Variants in CELF2 observed in about 807,000 individuals in gnomAD.
CELF2 encodes CUG triplet repeat RNA-binding protein 2.
In CELF2, 8 loss-of-function variants were observed where a neutral mutation model predicts 62.6. That is an observed-to-expected ratio of 0.13 (90% CI 0.07 to 0.23). The LOEUF (loss-of-function observed/expected upper bound fraction) is 0.23, where lower values mean the gene tolerates loss of function less well. CELF2 is among the 10% of genes least tolerant of loss of function. The pLI, the probability that CELF2 is intolerant of heterozygous loss-of-function variation, is 1.00. For synonymous variants in CELF2, 258 were observed against 250.0 expected, an observed-to-expected ratio of 1.03 and a Z score of -0.30; for missense variants, 333 against 671.0, an observed-to-expected ratio of 0.50 and a Z score of 5.56.
At chr10:10,687,767 G>A in the CELF2 span, among the ~76,000 whole-genome samples, 1 of 152,124 alleles carries the variant, frequency 6.6e-6, no homozygotes, top group Non-Finnish European at 1.5e-5. Flanking sequence ...TTTTCTTGCC[G>A]GGATGCAACA....
At chr10:11,167,496 C>A (rs2067569447) in intron 2 of CELF2, among the ~76,000 whole-genome samples, 1 of 152,200 alleles carries the variant, frequency 6.6e-6, no homozygotes, top group African/African-American at 2.4e-5. Context: ...GGTTCCGGGA[C>A]TTTCAGCCAT....
intron 5 of CELF2, among the ~76,000 whole-genome samples, chr10:11,261,293 A>C (rs893397567): frequency 6.6e-6 from 1 of 152,238 alleles, no homozygotes; most frequent in South Asian, 2.1e-4. Context: ...CCTCCCTAAG[A>C]GGGGTTACAC....
intron 2 of CELF2, among the ~76,000 whole-genome samples, chr10:11,209,665 G>C (rs2061320270): frequency 6.7e-6 from 1 of 150,228 alleles, no homozygotes; most frequent in South Asian, 2.1e-4. Context: ...CTGCCTTGTA[G>C]AAAGTGAAAG....
chr10:10,617,490 G>T, the CELF2 span, among the ~76,000 whole-genome samples: 31 of 152,116 alleles, frequency 2.0e-4, no homozygotes, highest in African/African-American at 6.3e-4. Flanking sequence ...CTTCAAGCTG[G>T]ATTCTAGATA....
rs750680906 is a variant in CELF2, at chr10:10,908,374, C to G, written c.54-11590C>G. Among the ~76,000 whole-genome samples, 14 of 151,924 alleles carry G rather than the reference C, an allele frequency of 9.2e-5. No homozygotes were observed. The East Asian group carries it at 1.7e-3, about 19-fold the overall frequency. Reference sequence around the variant, plus strand: ...AGCTGGGACTACAGGCGCCTGCCACCACGCCCGGCTAATTTTTTTGTATTT... The same window carrying G: ...AGCTGGGACTACAGGCGCCTGCCACGACGCCCGGCTAATTTTTTTGTATTT... On this transcript the variant is annotated intron_variant, in intron 1 of 13. Coordinates refer to the CELF2 transcript ENST00000636488.
intron 1 of CELF2, among the ~76,000 whole-genome samples, chr10:11,045,521 A>C (rs749053941): frequency 6.6e-6 from 1 of 152,218 alleles, no homozygotes; most frequent in Non-Finnish European, 1.5e-5. Flanking sequence ...GAATTCAATG[A>C]GATGATTCCT....
At chr10:10,926,072 C>G (rs17438224) in intron 2 of CELF2, among the ~76,000 whole-genome samples, 1 of 152,146 alleles carries the variant, frequency 6.6e-6, no homozygotes, top group African/African-American at 2.4e-5. Context: ...TGAAAAGCCT[C>G]GGTAGTTACA....
At chr10:11,304,406 G>T (rs938931282) in intron 9 of CELF2, among the ~76,000 whole-genome samples, 15 of 152,110 alleles carry the variant, frequency 9.9e-5, no homozygotes, top group African/African-American at 3.6e-4. Context: ...ATTTTCTGTG[G>T]CTTATAACAG....
chr10:10,525,997 T>G, the CELF2 span, among the ~76,000 whole-genome samples: 1 of 152,254 alleles, frequency 6.6e-6, no homozygotes, highest in South Asian at 2.1e-4. Flanking sequence ...GTTGTCTTTC[T>G]GATTAAAGCC....
chr10:11,156,635 C>G lies in CELF2; in HGVS notation c.75-8851C>G, dbSNP rs593393. Among the ~76,000 whole-genome samples the G allele has an allele frequency of 0.34, 51,355 of 152,014 alleles. 9,566 individuals are homozygous for G. Among genetic ancestry groups the G allele is most frequent in the East Asian group, 0.75 (3,874 of 5,164 alleles). On this transcript the variant is annotated intron_variant, in intron 1 of 12. Transcript: ENST00000633077. The surrounding 1 kb of genome is among the most constrained non-coding windows in gnomAD (Gnocchi z 4.3). Reference sequence around the variant, plus strand: ...TCCCCAGCTCCTTGAATTTGTCAGACTCGCGTCATAAATATGATTAAGTGA... The same window carrying G: ...TCCCCAGCTCCTTGAATTTGTCAGAGTCGCGTCATAAATATGATTAAGTGA...
chr10:10,576,075 G>C, the CELF2 span, among the ~76,000 whole-genome samples: 2 of 152,262 alleles, frequency 1.3e-5, no homozygotes, highest in Admixed American at 6.5e-5. Context: ...AACATTTCAG[G>C]CATCTGGCTG....
the CELF2 span, among the ~76,000 whole-genome samples, chr10:10,714,459 T>G: frequency 2.0e-5 from 3 of 152,148 alleles, no homozygotes; most frequent in African/African-American, 7.2e-5. Context: ...TAGACATGTT[T>G]AGCTTCAAGA....
chr10:10,762,825 T>C, the CELF2 span, among the ~76,000 whole-genome samples: 1 of 152,164 alleles, frequency 6.6e-6, no homozygotes, highest in Non-Finnish European at 1.5e-5. Flanking sequence ...GGGGACCACT[T>C]GAGCCCAGGA....
chr10:11,217,503 C>G lies in CELF2; in HGVS notation c.350C>G (p.Pro117Arg). 6.2e-7 allele frequency: 1 copy of G among 1,605,112 alleles called. No homozygotes were observed. Among genetic ancestry groups the G allele is most frequent in the Non-Finnish European group, 8.5e-7 (1 of 1,173,086 alleles). ...GCACTGCACAATATTAAAACTTTAC[C>G]TGGGGTGAGTCGGTTTACTTTTGTA... ...QNALHNIKTL[P>R]GMHHPIQMKP... Residue 117 changes from proline (P) to arginine (R), a missense_variant, in exon 3 of 13, where the codon CCT becomes CGT. Around this residue, in one of 3 missense-constraint regions of CELF2, gnomAD observed 253 missense variants for 503.0 expected, o/e 0.50. Coordinates refer to ENST00000633077, the MANE Select transcript of CELF2 (RefSeq NM_001326342.2). The surrounding 1 kb of genome is among the most constrained non-coding windows in gnomAD (Gnocchi z 5.6).
At chr10:10,819,447 A>AC (rs1460434981) in intron 1 of CELF2, among the ~76,000 whole-genome samples, 3 of 152,272 alleles carry the variant, frequency 2.0e-5, no homozygotes, top group Admixed American at 6.5e-5. Flanking sequence ...TGCCAGGGTT[A>AC]CCAATGCCAA....
rs1034880888 is a variant in CELF2, at chr10:11,207,934, C to G, written c.272-9491C>G. ...TTAGGTGACTGTTGGAGAGACATTT[C>G]AGATGAGAGGTTTAGGTTATAAAGA... On this transcript the variant is annotated intron_variant, in intron 2 of 12. Transcript: ENST00000633077. This position sits in a 1 kb window ranked among gnomAD's most constrained non-coding sequence, Gnocchi z 4.1. Among the ~76,000 whole-genome samples the G allele has an allele frequency of 9.9e-5, 15 of 152,142 alleles. No homozygotes were observed. Among genetic ancestry groups the G allele is most frequent in the African/African-American group, 3.4e-4 (14 of 41,428 alleles).
chr10:10,954,394 T>A (rs922425337), intron 2 of CELF2, among the ~76,000 whole-genome samples: 1 of 151,954 alleles, frequency 6.6e-6, no homozygotes, highest in Non-Finnish European at 1.5e-5. Context: ...TACAGGCGCA[T>A]GCCACCATGC....
At chr10:10,814,415 G>A (rs1033024019) in intron 1 of CELF2, among the ~76,000 whole-genome samples, 3 of 152,070 alleles carry the variant, frequency 2.0e-5, no homozygotes, top group South Asian at 4.2e-4. Context: ...TTTGGATGTG[G>A]CCTCCCACAT....
intron 2 of CELF2, among the ~76,000 whole-genome samples, chr10:10,955,905 G>C (rs1180082363): frequency 1.3e-5 from 2 of 152,166 alleles, no homozygotes; most frequent in African/African-American, 4.8e-5. Context: ...CGACTTGCTA[G>C]CATCCCATGC....
Sources: allele counts gnomAD v4.1 joint callset (sites outside exome capture counted in the v4.1 genomes callset), GRCh38; gene constraint gnomAD v4.1.1; regional missense constraint gnomAD v4.1.1; non-coding constraint Gnocchi (gnomAD v3.1); transcripts MANE v1.5; gene names NCBI Gene and HGNC (gene_info 2026-07-23, HGNC 2026-07-21).